Variants in SLIT3 observed in about 807,000 individuals in gnomAD.
The protein encoded by SLIT3 is slit homolog 3 protein.
Under a neutral mutation model 184.0 loss-of-function variants are expected in SLIT3, and 68 were observed. The ratio of observed to expected loss-of-function variants is 0.37; its 90% CI spans 0.30 to 0.45. The LOEUF is 0.45. SLIT3 is among the 20% of genes least tolerant of loss of function. SLIT3 has a pLI of 1.00. For synonymous variants in SLIT3, 831 were observed against 828.6 expected (o/e 1.00, Z -0.05); for missense variants, 1,707 against 2,026.0 (o/e 0.84, Z 3.02).
intron 23 of SLIT3, chr5:168,719,993 A>T (rs970121963): frequency 2.0e-5 from 3 of 152,066 alleles, no homozygotes; most frequent in African/African-American, 7.3e-5. Context: ...AGCTCACTGC[A>T]ACCTCTGCCT....
chr5:169,175,414 GC>G (rs1294701627), intron 4 of SLIT3, among the ~76,000 whole-genome samples: 1 of 152,130 alleles, frequency 6.6e-6, no homozygotes, highest in East Asian at 1.9e-4. Flanking sequence ...TGGGTTATCA[GC>G]GCCACCATCT....
chr5:168,675,094 G>C (rs1761367099), intron 32 of SLIT3, among the ~76,000 whole-genome samples: 1 of 152,160 alleles, frequency 6.6e-6, no homozygotes, highest in Non-Finnish European at 1.5e-5. Context: ...CCTCGGCGGG[G>C]GCTGGGAGGG....
rs201537811 is a variant in SLIT3 at position 168,943,590 on chromosome 5, G to A, written c.414-60254C>T. ...TTATCTGTAAAATCAGTATAATAAT[G>A]CCTATTTATCCCAAAGCATTGCTGT... On this transcript the variant is annotated intron_variant, in intron 4 of 35. Transcript: ENST00000519560. Among the ~76,000 whole-genome samples the A allele has an allele frequency of 3.3e-5, 5 of 152,284 alleles. No individual in the cohort carries two copies. The East Asian group carries it at 7.7e-4, about 23-fold the overall frequency.
At chr5:169,175,227 G>T (rs976190717) in intron 4 of SLIT3, among the ~76,000 whole-genome samples, 1 of 152,172 alleles carries the variant, frequency 6.6e-6, no homozygotes, top group Non-Finnish European at 1.5e-5. Context: ...CATTATCCTT[G>T]ACTGTCTCCA....
At chr5:169,271,876 A>G (rs1449024684) in intron 1 of SLIT3, among the ~76,000 whole-genome samples, 1 of 152,198 alleles carries the variant, frequency 6.6e-6, no homozygotes, top group Non-Finnish European at 1.5e-5. Context: ...TAGAGCTCTG[A>G]GGCTGAGACC....
At chr5:169,017,468 C>G (rs566387724) in intron 4 of SLIT3, among the ~76,000 whole-genome samples, 53 of 152,322 alleles carry the variant, frequency 3.5e-4, no homozygotes, top group African/African-American at 1.2e-3. Context: ...GCTAGCTGCT[C>G]TCACCAAAGG....
At position 169,150,543 on chromosome 5, in the gene SLIT3, A is replaced by ACACACC. The variant is rs1408118658; in HGVS notation, c.413+42935_413+42936insGGTGTG. On this transcript the variant is annotated intron_variant, in intron 4 of 35. Coordinates refer to ENST00000519560, the MANE Select transcript of SLIT3 (RefSeq NM_003062.4). ...CACACACACACACACACACACACAC[A>ACACACC]CCCTTACCTCACATAGGGATGTACA... Among the ~76,000 whole-genome samples the ACACACC allele has an allele frequency of 6.1e-4, 92 of 151,194 alleles. 2 individuals carry two copies. Among genetic ancestry groups the ACACACC allele is most frequent in the East Asian group, 5.1e-3 (26 of 5,134 alleles).
intron 2 of SLIT3, among the ~76,000 whole-genome samples, chr5:169,250,511 G>A (rs1220719578): frequency 6.6e-6 from 1 of 152,104 alleles, no homozygotes; most frequent in Non-Finnish European, 1.5e-5. Context: ...ACCAGAGCCT[G>A]GTACTTTCTG....
intron 9 of SLIT3, among the ~76,000 whole-genome samples, chr5:168,797,770 T>C (rs1756618190): frequency 6.6e-6 from 1 of 152,202 alleles, no homozygotes; most frequent in Non-Finnish European, 1.5e-5. Context: ...TAAACCATAT[T>C]GGCCCCATTT....
chr5:169,218,987 T>C (rs987461424), intron 3 of SLIT3, among the ~76,000 whole-genome samples: 2 of 152,230 alleles, frequency 1.3e-5, no homozygotes, highest in African/African-American at 4.8e-5. Flanking sequence ...AGATCAGATC[T>C]GGCCCATCCT....
chr5:168,859,967 A>G (rs1203708187), intron 5 of SLIT3, among the ~76,000 whole-genome samples: 1 of 151,346 alleles, frequency 6.6e-6, no homozygotes, highest in African/African-American at 2.4e-5. Context: ...CTATGATCCT[A>G]CCTTCCTCTT....
intron 13 of SLIT3, among the ~76,000 whole-genome samples, chr5:168,774,017 G>A (rs1008271656): frequency 2.0e-5 from 3 of 152,184 alleles, no homozygotes; most frequent in Non-Finnish European, 2.9e-5. Context: ...GAGGCTTAAG[G>A]GTTTTAAGAC....
At chr5:168,937,702 G>A (rs986358228) in intron 4 of SLIT3, among the ~76,000 whole-genome samples, 1 of 152,106 alleles carries the variant, frequency 6.6e-6, no homozygotes, top group Admixed American at 6.6e-5. Flanking sequence ...TCACTGATTC[G>A]CTGCATGACT....
At chr5:168,725,460 A>T (rs1462935083) in intron 20 of SLIT3, among the ~76,000 whole-genome samples, 1 of 152,198 alleles carries the variant, frequency 6.6e-6, no homozygotes, top group East Asian at 1.9e-4. Flanking sequence ...AACATTTAAG[A>T]TGGCTTACAA....
intron 4 of SLIT3, among the ~76,000 whole-genome samples, chr5:168,977,720 C>G (rs1047624254): frequency 5.3e-5 from 8 of 152,124 alleles, no homozygotes; most frequent in African/African-American, 1.9e-4. Context: ...AGATGCCCCA[C>G]CCCATAGTCT....
chr5:168,866,726 C>G (rs1229630505), intron 5 of SLIT3, among the ~76,000 whole-genome samples: 1 of 152,206 alleles, frequency 6.6e-6, no homozygotes, highest in African/African-American at 2.4e-5. Context: ...GACAAACTAC[C>G]TAACCTTGCT....
intron 4 of SLIT3, among the ~76,000 whole-genome samples, chr5:169,072,254 G>A (rs185909139): frequency 6.6e-6 from 1 of 152,282 alleles, no homozygotes; most frequent in East Asian, 1.9e-4. Flanking sequence ...ACTTGAAAAT[G>A]CACTGGCATC....
At chr5:169,083,848 C>T (rs186372580) in intron 4 of SLIT3, among the ~76,000 whole-genome samples, 6 of 152,272 alleles carry the variant, frequency 3.9e-5, no homozygotes, top group Middle Eastern at 6.8e-3. Flanking sequence ...AAAGAGGAAG[C>T]GCTCACTAGG....
chr5:169,275,714 A>G (rs1298547260), intron 1 of SLIT3, among the ~76,000 whole-genome samples: 1 of 152,174 alleles, frequency 6.6e-6, no homozygotes, highest in East Asian at 1.9e-4. Context: ...CTATCATGAG[A>G]ATAGCATGGG....
Sources: allele counts gnomAD v4.1 joint callset (sites outside exome capture counted in the v4.1 genomes callset), GRCh38; gene constraint gnomAD v4.1.1; transcripts MANE v1.5; gene names NCBI Gene and HGNC (gene_info 2026-07-23, HGNC 2026-07-21).